The following PRKAA1 variants were observed in gnomAD, a reference collection of about 807,000 sequenced individuals.
PRKAA1 encodes protein kinase AMP-activated catalytic subunit alpha 1.
In PRKAA1, 23 loss-of-function variants were observed where a neutral mutation model predicts 56.9. That is an observed-to-expected ratio of 0.40 (90% confidence interval 0.29 to 0.57). PRKAA1 has a LOEUF of 0.57. Ranked by LOEUF, PRKAA1 falls within the 20% of genes least tolerant of loss-of-function variation. PRKAA1 has a pLI of 0.39. For synonymous variants in PRKAA1, 226 were observed against 227.0 expected (o/e 1.00, Z 0.04); for missense variants, 413 against 679.7 (o/e 0.61, Z 4.36).
chr5:40,769,404 A>T lies in PRKAA1; in HGVS notation c.596+12T>A, dbSNP rs555855028. 8.2e-6 allele frequency: 13 copies of T among 1,585,068 alleles called. No individual in the cohort carries two copies. In the South Asian group the frequency reaches 1.3e-4, roughly 16 times the overall value. On this transcript the variant is annotated intron_variant, in intron 5 of 8. Coordinates refer to ENST00000397128, the MANE Select transcript of PRKAA1 (RefSeq NM_006251.6). ...TCAAATGTATTGAGGGAGGCAGGGTATCAAATACTACCTTCCTGAAATTAC... is the reference window on the plus strand; with the variant it reads ...TCAAATGTATTGAGGGAGGCAGGGTTTCAAATACTACCTTCCTGAAATTAC...
At chr5:40,767,377 T>C in intron 6 of PRKAA1, 89 bp downstream of exon 6, 2 of 1,049,754 alleles carry the variant, frequency 1.9e-6, no homozygotes, top group East Asian at 4.8e-5. Context: ...AGGATTACAC[T>C]GTATATTCTG....
intron 8 of PRKAA1, among the ~76,000 whole-genome samples, chr5:40,763,878 A>C (rs1300396537): frequency 6.6e-6 from 1 of 152,188 alleles, no homozygotes; most frequent in Non-Finnish European, 1.5e-5. Flanking sequence ...AAAAAATTCA[A>C]ACGTGAACCT....
chr5:40,779,250 C>A (rs907008056), intron 1 of PRKAA1, among the ~76,000 whole-genome samples: 2 of 151,952 alleles, frequency 1.3e-5, no homozygotes, highest in African/African-American at 4.8e-5. Context: ...ATGCCATAAT[C>A]CCAAATGTTG....
intron 8 of PRKAA1, among the ~76,000 whole-genome samples, chr5:40,764,086 G>A (rs1243970761): frequency 4.6e-5 from 7 of 152,232 alleles, no homozygotes; most frequent in Middle Eastern, 3.4e-3. Context: ...ACTCAACAGC[G>A]TAGCTTAATG....
rs117657465 is a variant in PRKAA1, at chr5:40,791,908, C to T, written c.127+6155G>A. On this transcript the variant is annotated intron_variant, in intron 1 of 8. Transcript: ENST00000397128. ...CTGAATTTGGTGTTTGTGTTTCCCACGTTTAAATATTTTTACATGGGTAGG... is the reference window on the plus strand; with the variant it reads ...CTGAATTTGGTGTTTGTGTTTCCCATGTTTAAATATTTTTACATGGGTAGG... 9.2e-5 allele frequency among the ~76,000 whole-genome samples: 14 copies of T among 152,232 alleles called. No homozygotes were observed. In the East Asian group the frequency reaches 2.7e-3, roughly 29 times the overall value.
At chr5:40,784,033 G>A (rs921236594) in intron 1 of PRKAA1, among the ~76,000 whole-genome samples, 1 of 152,082 alleles carries the variant, frequency 6.6e-6, no homozygotes, top group Admixed American at 6.6e-5. Flanking sequence ...CTCCATAAGG[G>A]TGACTATAAC....
chr5:40,775,102 C>A, intron 3 of PRKAA1: 1 of 768,986 alleles, frequency 1.3e-6, no homozygotes, highest in Non-Finnish European at 2.1e-6. Flanking sequence ...TATTTGTATA[C>A]CCTGGAAGCA....
intron 2 of PRKAA1, among the ~76,000 whole-genome samples, chr5:40,775,786 A>AT (rs1743973849): frequency 6.6e-6 from 1 of 152,220 alleles, no homozygotes; most frequent in Middle Eastern, 3.2e-3. Context: ...CCTCTAATAA[A>AT]GTAACATTTG....
chr5:40,767,755 C>A (rs1297900118), intron 5 of PRKAA1, 65 bp from the exon 6 acceptor site: 3 of 1,340,486 alleles, frequency 2.2e-6, no homozygotes, highest in African/African-American at 3.0e-5. Context: ...TCATCAAAAA[C>A]TTCAAATATG....
chr5:40,777,309 A>T, intron 2 of PRKAA1, 136 bp downstream of exon 2: 1 of 982,892 alleles, frequency 1.0e-6, no homozygotes, highest in Non-Finnish European at 1.5e-6. Flanking sequence ...CACCGCACAC[A>T]GCCTAGGAAG....
chr5:40,775,112 A>G (rs1293161634), intron 3 of PRKAA1: 4 of 747,172 alleles, frequency 5.4e-6, no homozygotes, highest in East Asian at 2.7e-5. Context: ...CCCTGGAAGC[A>G]TAAGTCTGAG....
intron 1 of PRKAA1, among the ~76,000 whole-genome samples, chr5:40,790,525 CTT>C (rs1554033592): frequency 2.7e-5 from 3 of 112,008 alleles, no homozygotes; most frequent in African/African-American, 3.9e-5. Context: ...TCAACTCTTT[CTT>C]TTTTTTTTTT....
At chr5:40,797,753 C>G (rs1354780177) in intron 1 of PRKAA1, among the ~76,000 whole-genome samples, 2 of 152,202 alleles carry the variant, frequency 1.3e-5, no homozygotes, top group African/African-American at 2.4e-5. Context: ...GAGCGCGCCG[C>G]GCCGCCCGCC....
intron 6 of PRKAA1, among the ~76,000 whole-genome samples, chr5:40,767,102 C>T (rs897438196): frequency 6.6e-6 from 1 of 152,164 alleles, no homozygotes; most frequent in African/African-American, 2.4e-5. Flanking sequence ...AACTCCTGAG[C>T]TCACATGATC....
chr5:40,784,266 C>CAAT (rs1163383345), intron 1 of PRKAA1, among the ~76,000 whole-genome samples: 2 of 152,166 alleles, frequency 1.3e-5, no homozygotes, highest in Non-Finnish European at 2.9e-5. Context: ...CATGTAGATG[C>CAAT]AATAGCATTC....
chr5:40,782,800 A>G (rs1744315285), intron 1 of PRKAA1, among the ~76,000 whole-genome samples: 3 of 152,256 alleles, frequency 2.0e-5, no homozygotes, highest in Admixed American at 2.0e-4. Flanking sequence ...AATTTAACTC[A>G]TGAGTAATAC....
Position 40,762,752 on chromosome 5 carries a change from C to T in PRKAA1, c.*26G>A, listed in dbSNP as rs1221413815. Reference sequence around the variant, plus strand: ...GACTTATTATGCATGCTTATTGCTGCAAAAGAAATAAGCAAAGTTTTCTGT... The same window carrying T: ...GACTTATTATGCATGCTTATTGCTGTAAAAGAAATAAGCAAAGTTTTCTGT... On this transcript the variant is annotated 3_prime_UTR_variant, in exon 9 of 9. Transcript: ENST00000397128. 4 of 1,609,704 alleles carry T rather than the reference C, an allele frequency of 2.5e-6. No individual in the cohort carries two copies. Among genetic ancestry groups the T allele is most frequent in the Non-Finnish European group, 3.4e-6 (4 of 1,177,204 alleles).
chr5:40,764,762 T>C lies in PRKAA1; in HGVS notation c.1298A>G (p.Tyr433Cys). 1 of 1,610,170 alleles carries C rather than the reference T, an allele frequency of 6.2e-7. No individual in the cohort carries two copies. The change falls in exon 7 of 9, where the codon TAT becomes TGT. Residue 433 changes from tyrosine to cysteine, a missense_variant. By Grantham distance (194) the Tyr-to-Cys change is radical. Around this residue, in one of 9 missense-constraint regions of PRKAA1, gnomAD observed 139 missense variants for 171.5 expected, o/e 0.81. Coordinates refer to ENST00000397128, the MANE Select transcript of PRKAA1 (RefSeq NM_006251.6). ...EVCRAIKQLD[Y>C]EWKVVNPYYL... ...TTATTTCTTTCTTACCTTCCATTCA[T>C]AATCCAATTGTTTGATTGCTCTACA...
chr5:40,770,795 T>C (rs1419204099), intron 4 of PRKAA1, among the ~76,000 whole-genome samples: 1 of 151,690 alleles, frequency 6.6e-6, no homozygotes, highest in African/African-American at 2.4e-5. Flanking sequence ...TTCACCATGT[T>C]GGCCAGGCTG....
Sources: gnomAD v4.1 joint callset for allele counts (sites outside exome capture counted in the v4.1 genomes callset) on GRCh38, gnomAD v4.1.1 for gene constraint, gnomAD v4.1.1 regional missense constraint, MANE v1.5 for transcripts, NCBI Gene and HGNC (gene_info 2026-07-23, HGNC 2026-07-21) for gene names.